The following GATAD2B variants were observed in gnomAD, a reference collection of about 807,000 sequenced individuals.
GATAD2B encodes GATA zinc finger domain containing 2B.
Under a neutral mutation model 64.3 loss-of-function variants are expected in GATAD2B, and 8 were observed. That is an observed-to-expected ratio of 0.12 (90% confidence interval 0.07 to 0.22). The LOEUF (loss-of-function observed/expected upper bound fraction) is 0.22. GATAD2B is among the 10% of genes least tolerant of loss of function. The pLI is 1.00. For synonymous variants in GATAD2B, 281 were observed against 271.3 expected, an observed-to-expected ratio of 1.04 and a Z score of -0.35; for missense variants, 453 against 752.0, an observed-to-expected ratio of 0.60 and a Z score of 4.65.
chr1:153,880,629 C>T (rs895736099), intron 1 of GATAD2B, among the ~76,000 whole-genome samples: 1 of 151,850 alleles, frequency 6.6e-6, no homozygotes, highest in African/African-American at 2.4e-5. Context: ...TGAATGGGAA[C>T]AGAAAGAAGA....
intron 1 of GATAD2B, among the ~76,000 whole-genome samples, chr1:153,917,222 C>T (rs1478010853): frequency 2.7e-5 from 4 of 147,824 alleles, no homozygotes; most frequent in African/African-American, 7.5e-5. Flanking sequence ...CTCAGCCTCC[C>T]GAGTAGCTGG....
intron 1 of GATAD2B, among the ~76,000 whole-genome samples, chr1:153,862,118 C>CTTTTTTTTTTTTTTTT (rs754580519): frequency 9.9e-6 from 1 of 101,166 alleles, no homozygotes; most frequent in Non-Finnish European, 1.9e-5. Context: ...ACATTATATC[C>CTTTTTTTTTTTTTTTT]TTTTTTTTTT....
chr1:153,907,441 G>C (rs1056872273), intron 1 of GATAD2B, among the ~76,000 whole-genome samples: 1 of 152,172 alleles, frequency 6.6e-6, no homozygotes, highest in African/African-American at 2.4e-5. Context: ...TGAAGTACCT[G>C]AAGTAGTCAA....
chr1:153,847,805 AT>A (rs1391773916), intron 1 of GATAD2B, among the ~76,000 whole-genome samples: 1 of 151,692 alleles, frequency 6.6e-6, no homozygotes, highest in East Asian at 1.9e-4. Context: ...CATATTTTCC[AT>A]TTTTAATATA....
Position 153,809,298 on chromosome 1 carries a change from G to C in GATAD2B, c.*879C>G, listed in dbSNP as rs1396039318. The C allele has an allele frequency of 2.0e-5, 3 of 152,192 alleles. No homozygotes were observed. The highest frequency in any genetic ancestry group is 4.8e-5 in the African/African-American group (2 of 41,444). The allele number at this position is 152,192 out of a possible 1,614,324, so 9.4% of individuals were successfully genotyped here. A position where few individuals can be genotyped will look rare whatever the true frequency, so the allele number is the denominator to read the frequency against. On this transcript the variant is annotated 3_prime_UTR_variant, in exon 11 of 11. Coordinates refer to ENST00000368655, the MANE Select transcript of GATAD2B (RefSeq NM_020699.4). ...TGGTTGGCCTGGAATAGACTTCCGTGTTCCCAATGGGGTCAGGAGATCGGT... is the reference window on the plus strand; with the variant it reads ...TGGTTGGCCTGGAATAGACTTCCGTCTTCCCAATGGGGTCAGGAGATCGGT...
intron 1 of GATAD2B, among the ~76,000 whole-genome samples, chr1:153,918,351 A>T (rs1027256273): frequency 2.0e-5 from 3 of 152,344 alleles, no homozygotes; most frequent in Non-Finnish European, 4.4e-5. Flanking sequence ...AATCTGCCAC[A>T]TATTAGTTCA....
intron 1 of GATAD2B, among the ~76,000 whole-genome samples, chr1:153,916,391 A>C (rs1034425672): frequency 3.9e-5 from 6 of 152,214 alleles, no homozygotes; most frequent in East Asian, 3.8e-4. Context: ...GACACAGAAG[A>C]AGCTAGATTC....
At chr1:153,903,816 C>CTACAAAAAA (rs1158260168) in intron 1 of GATAD2B, among the ~76,000 whole-genome samples, 2 of 152,006 alleles carry the variant, frequency 1.3e-5, no homozygotes, top group Non-Finnish European at 2.9e-5. Context: ...AATCCCCTCT[C>CTACAAAAAA]TACAAAAAAT....
At chr1:153,903,664 A>C (rs1677844624) in intron 1 of GATAD2B, among the ~76,000 whole-genome samples, 1 of 152,192 alleles carries the variant, frequency 6.6e-6, no homozygotes. Context: ...ACTCTTTACC[A>C]TATGCCTAAA....
intron 1 of GATAD2B, among the ~76,000 whole-genome samples, chr1:153,885,661 G>A (rs1409214074): frequency 6.6e-6 from 1 of 151,994 alleles, no homozygotes; most frequent in Admixed American, 6.6e-5. Flanking sequence ...AGGAGATTGA[G>A]ACCATCCTGG....
Position 153,816,647 on chromosome 1 carries a change from C to G in GATAD2B, c.901-59G>C. ...ATGCAGGAGAAAGGGCCAATTCTTACGTTCTTGGCAGAGGACACTGTCTGA... is the reference window on the plus strand; with the variant it reads ...ATGCAGGAGAAAGGGCCAATTCTTAGGTTCTTGGCAGAGGACACTGTCTGA... On this transcript the variant is annotated intron_variant, in intron 6 of 10. Transcript: ENST00000368655. The surrounding 1 kb of genome is among the most constrained non-coding windows in gnomAD (Gnocchi z 4.9). 1 of 1,153,492 alleles carries G rather than the reference C, an allele frequency of 8.7e-7. No individual in the cohort carries two copies. The highest frequency in any genetic ancestry group is 1.3e-5 in the South Asian group (1 of 75,140). 71.5% of individuals were successfully genotyped at this position (1,153,492 alleles called of 1,614,324 possible). A position where few individuals can be genotyped will look rare whatever the true frequency, so the allele number is the denominator to read the frequency against.
At chr1:153,842,843 C>T (rs1675545273) in intron 1 of GATAD2B, among the ~76,000 whole-genome samples, 1 of 151,886 alleles carries the variant, frequency 6.6e-6, no homozygotes, top group South Asian at 2.1e-4. Flanking sequence ...TTAGTAGAGA[C>T]AGGGTTTCAC....
intron 1 of GATAD2B, among the ~76,000 whole-genome samples, chr1:153,872,380 G>A (rs1298951422): frequency 6.7e-6 from 1 of 149,194 alleles, no homozygotes; most frequent in South Asian, 2.1e-4. Context: ...TGTGAACTCT[G>A]AAACCCTATC....
rs35175263 is a variant in GATAD2B, at chr1:153,818,314, CTT to C, written c.598-145_598-144del. 0.086 allele frequency: 27,229 copies of C among 316,672 alleles called. 4 individuals are homozygous for C. Among genetic ancestry groups the C allele is most frequent in the South Asian group, 0.12 (2,851 of 23,706 alleles). The allele number at this position is 316,672 out of a possible 1,614,324, so 19.6% of individuals were successfully genotyped here. ...ACCAGAAAAAGGGAGTCAAGGTTTT[CTT>C]TTTTTTTTTTTTTTTTGAGACAGAG... On this transcript the variant is annotated intron_variant, in intron 4 of 10. Transcript: ENST00000368655.
chr1:153,855,892 A>C (rs1208212245), intron 1 of GATAD2B, among the ~76,000 whole-genome samples: 1 of 152,080 alleles, frequency 6.6e-6, no homozygotes, highest in Non-Finnish European at 1.5e-5. Context: ...CATGTTGCCC[A>C]GGCTGGTCTC....
At chr1:153,889,861 A>G (rs1364137591) in intron 1 of GATAD2B, among the ~76,000 whole-genome samples, 1 of 152,190 alleles carries the variant, frequency 6.6e-6, no homozygotes, top group Admixed American at 6.6e-5. Flanking sequence ...ATTTACAAAC[A>G]TCTACATTAT....
intron 1 of GATAD2B, among the ~76,000 whole-genome samples, chr1:153,913,715 G>A (rs1257890118): frequency 4.0e-5 from 6 of 151,884 alleles, no homozygotes; most frequent in Non-Finnish European, 5.9e-5. Context: ...TCAGGAGATC[G>A]AGACCATCCT....
At chr1:153,921,626 C>T (rs1231025013) in intron 1 of GATAD2B, among the ~76,000 whole-genome samples, 1 of 152,024 alleles carries the variant, frequency 6.6e-6, no homozygotes, top group East Asian at 1.9e-4. Flanking sequence ...ACACGCCCCC[C>T]AAATAAGCAT....
chr1:153,829,217 A>C lies in GATAD2B; in HGVS notation c.-1-869T>G, dbSNP rs182217956. On this transcript the variant is annotated intron_variant, in intron 1 of 10. Transcript: ENST00000368655. ...AGGCTCTCTCTCCAGGAAACAACAA[A>C]AAAAAAATCTAAATGCAAATTCAGA... Among the ~76,000 whole-genome samples the C allele has an allele frequency of 5.0e-4, 76 of 152,266 alleles. 1 individual carries two copies. Among genetic ancestry groups the C allele is most frequent in the Admixed American group, 1.1e-3 (17 of 15,278 alleles).
Sources: allele counts gnomAD v4.1 joint callset (sites outside exome capture counted in the v4.1 genomes callset), GRCh38; gene constraint gnomAD v4.1.1; non-coding constraint Gnocchi (gnomAD v3.1); transcripts MANE v1.5; gene names NCBI Gene and HGNC (gene_info 2026-07-23, HGNC 2026-07-21).